The following COL24A1 variants were observed in gnomAD, a reference collection of about 807,000 sequenced individuals.
The protein encoded by COL24A1 is collagen type XXIV alpha 1 chain, also known as collagen alpha-1(XXIV) chain.
COL24A1 carries 224 observed loss-of-function variants against 253.9 expected under a neutral mutation model. The ratio of observed to expected loss-of-function variants is 0.88; its 90% CI spans 0.79 to 0.99. COL24A1 has a LOEUF of 0.99. Ranked by LOEUF, COL24A1 falls within the 50% of genes least tolerant of loss-of-function variation. COL24A1 has a pLI of 0.00. For synonymous variants in COL24A1, 685 were observed against 673.7 expected, an observed-to-expected ratio of 1.02 and a Z score of -0.26; for missense variants, 2,131 against 2,068.5, an observed-to-expected ratio of 1.03 and a Z score of -0.59.
At chr1:86,071,136 G>GT (rs1342244372) in intron 7 of COL24A1, among the ~76,000 whole-genome samples, 1 of 152,062 alleles carries the variant, frequency 6.6e-6, no homozygotes, top group East Asian at 1.9e-4. Flanking sequence ...CTTTTTACAT[G>GT]TTTTTTGGTT....
chr1:85,772,020 A>G (rs957258238), intron 53 of COL24A1, among the ~76,000 whole-genome samples: 5 of 144,320 alleles, frequency 3.5e-5, no homozygotes, highest in Non-Finnish European at 6.0e-5. Context: ...TCATTGTTCA[A>G]TTCCCACCTA....
chr1:85,741,148 GGAAA>G (rs996069829), intron 57 of COL24A1, among the ~76,000 whole-genome samples: 1 of 150,500 alleles, frequency 6.6e-6, no homozygotes. Flanking sequence ...GAAAAGAAAA[GGAAA>G]GAAAGAAAGA....
At chr1:85,879,881 G>A (rs551710593) in intron 32 of COL24A1, among the ~76,000 whole-genome samples, 9 of 152,122 alleles carry the variant, frequency 5.9e-5, no homozygotes, top group Non-Finnish European at 8.8e-5. Flanking sequence ...GTTGTTCAAG[G>A]GTCAATCGTA....
intron 28 of COL24A1, among the ~76,000 whole-genome samples, chr1:85,898,157 TAATTTGGCA>T (rs1478596426): frequency 1.3e-5 from 2 of 152,174 alleles, no homozygotes; most frequent in Non-Finnish European, 2.9e-5. Flanking sequence ...CACTTACAAA[TAATTTGGCA>T]GAAAACTGAT....
chr1:86,057,614 A>AT (rs1700761230), intron 10 of COL24A1, among the ~76,000 whole-genome samples: 1 of 152,074 alleles, frequency 6.6e-6, no homozygotes, highest in Admixed American at 6.6e-5. Context: ...ACCTCTTCAT[A>AT]TTTTTTCCAT....
intron 8 of COL24A1, among the ~76,000 whole-genome samples, chr1:86,062,771 A>G (rs2101775488): frequency 6.6e-6 from 1 of 152,254 alleles, no homozygotes; most frequent in South Asian, 2.1e-4. Context: ...TGTGTTAGAG[A>G]TACATATATC....
intron 3 of COL24A1, among the ~76,000 whole-genome samples, chr1:86,118,185 C>T (rs1373663057): frequency 6.6e-6 from 1 of 151,904 alleles, no homozygotes; most frequent in African/African-American, 2.4e-5. Flanking sequence ...GCCTCAGCCT[C>T]TCGAGTAGCT....
At chr1:85,973,551 A>G (rs1692380264) in intron 20 of COL24A1, among the ~76,000 whole-genome samples, 1 of 152,214 alleles carries the variant, frequency 6.6e-6, no homozygotes, top group Non-Finnish European at 1.5e-5. Flanking sequence ...AAAAAATTAT[A>G]AACAACTTCT....
intron 12 of COL24A1, among the ~76,000 whole-genome samples, chr1:86,037,720 T>C (rs1337477922): frequency 6.6e-6 from 1 of 152,188 alleles, no homozygotes; most frequent in African/African-American, 2.4e-5. Context: ...AACTGCAAGA[T>C]AATAAATGAA....
chr1:85,972,571 T>C (rs1249810393), intron 20 of COL24A1, among the ~76,000 whole-genome samples: 1 of 152,206 alleles, frequency 6.6e-6, no homozygotes, highest in Admixed American at 6.5e-5. Flanking sequence ...GCCAGTCCAA[T>C]GTATGTTAAT....
intron 24 of COL24A1, among the ~76,000 whole-genome samples, chr1:85,915,704 A>G (rs1306112224): frequency 6.6e-6 from 1 of 152,182 alleles, no homozygotes; most frequent in East Asian, 1.9e-4. Flanking sequence ...GCTGGAGTGC[A>G]GTGGTATGAT....
chr1:85,794,466 G>A (rs1252783351), intron 47 of COL24A1, among the ~76,000 whole-genome samples: 3 of 152,120 alleles, frequency 2.0e-5, no homozygotes, highest in South Asian at 2.1e-4. Context: ...CATTTTACTT[G>A]CAGTGCCATC....
chr1:86,112,655 C>A, intron 4 of COL24A1, 35 bp from the exon 5 acceptor site: 2 of 1,592,466 alleles, frequency 1.3e-6, no homozygotes, highest in Non-Finnish European at 1.7e-6. Flanking sequence ...ATTCTTGGAA[C>A]ATACTGGAAT....
intron 1 of COL24A1, chr1:86,155,979 G>T (rs945771287): frequency 2.8e-5 from 6 of 213,138 alleles, no homozygotes; most frequent in Non-Finnish European, 5.5e-5. Context: ...TGCGGGAGGA[G>T]AAGGGGAGGA....
intron 22 of COL24A1, 90 bp downstream of exon 22, chr1:85,970,137 A>G (rs1691993777): frequency 1.3e-5 from 15 of 1,187,216 alleles, no homozygotes; most frequent in East Asian, 5.0e-5. Flanking sequence ...GTCCTTTACT[A>G]TAATGTAAAA....
intron 2 of COL24A1, among the ~76,000 whole-genome samples, chr1:86,129,683 T>G (rs1309844012): frequency 6.6e-6 from 1 of 151,802 alleles, no homozygotes; most frequent in Admixed American, 6.6e-5. Flanking sequence ...TTTTAAATTT[T>G]CAGTTAGGAA....
At chr1:86,150,533 T>A (rs1331518604) in intron 1 of COL24A1, among the ~76,000 whole-genome samples, 1 of 152,198 alleles carries the variant, frequency 6.6e-6, no homozygotes, top group Non-Finnish European at 1.5e-5. Flanking sequence ...TAGAATTTTT[T>A]AAATCTGCTA....
chr1:85,736,415 T>C (rs1156351245), intron 58 of COL24A1: 2 of 456,206 alleles, frequency 4.4e-6, no homozygotes, highest in Non-Finnish European at 8.8e-6. Context: ...ATGATAATCC[T>C]ATGCCAACTT....
chr1:85,829,063 G>A (rs1400567672), intron 43 of COL24A1, among the ~76,000 whole-genome samples: 9 of 151,908 alleles, frequency 5.9e-5, no homozygotes, highest in South Asian at 2.1e-4. Flanking sequence ...GGCTGGTACC[G>A]GTTGTTCCTT....
Sources: allele counts gnomAD v4.1 joint callset (sites outside exome capture counted in the v4.1 genomes callset), GRCh38; gene constraint gnomAD v4.1.1; transcripts MANE v1.5; gene names NCBI Gene and HGNC (gene_info 2026-07-23, HGNC 2026-07-21).